Variants in LINGO2 observed in about 807,000 individuals in gnomAD.
LINGO2 encodes the protein leucine-rich repeat and immunoglobulin-like domain-containing nogo receptor-interacting protein 2.
LINGO2 carries 14 observed loss-of-function variants against 30.6 expected under a neutral mutation model. The ratio of observed to expected loss-of-function variants is 0.46; its 90% CI spans 0.30 to 0.72. The LOEUF is 0.72. Ranked by LOEUF, LINGO2 falls within the 30% of genes least tolerant of loss-of-function variation. LINGO2 has a pLI of 0.07. For synonymous variants in LINGO2, 317 were observed against 288.5 expected (o/e 1.10, Z -1.00); for missense variants, 729 against 751.7 (o/e 0.97, Z 0.35).
intron 4 of LINGO2, among the ~76,000 whole-genome samples, chr9:28,110,789 G>A (rs904723952): frequency 6.6e-6 from 1 of 152,144 alleles, no homozygotes; most frequent in Non-Finnish European, 1.5e-5. Context: ...CTGTTAGTGG[G>A]AGTGTAAATT....
At chr9:28,774,125 C>A in the LINGO2 span, among the ~76,000 whole-genome samples, 3 of 151,498 alleles carry the variant, frequency 2.0e-5, no homozygotes, top group East Asian at 2.0e-4. Flanking sequence ...AGATTTAAAA[C>A]ACTTTAAACA....
the LINGO2 span, among the ~76,000 whole-genome samples, chr9:29,037,900 ATAT>A: frequency 6.6e-6 from 1 of 152,062 alleles, no homozygotes; most frequent in Non-Finnish European, 1.5e-5. Flanking sequence ...TACTATGCAA[ATAT>A]TAGCTCTTGA....
intron 3 of LINGO2, among the ~76,000 whole-genome samples, chr9:28,327,433 T>C (rs999089499): frequency 1.3e-5 from 2 of 152,184 alleles, no homozygotes; most frequent in Non-Finnish European, 2.9e-5. Context: ...GAAGAATGAA[T>C]GGCTTTTTCA....
chr9:28,944,549 G>T, the LINGO2 span, among the ~76,000 whole-genome samples: 1 of 152,068 alleles, frequency 6.6e-6, no homozygotes, highest in Non-Finnish European at 1.5e-5. Context: ...GGGATTACAG[G>T]CGCCTGCCAC....
At chr9:28,028,846 T>A (rs1286247143) in intron 4 of LINGO2, among the ~76,000 whole-genome samples, 2 of 152,138 alleles carry the variant, frequency 1.3e-5, no homozygotes, top group African/African-American at 4.8e-5. Context: ...AGGGAAAGCA[T>A]ATATATAAGT....
the LINGO2 span, among the ~76,000 whole-genome samples, chr9:29,129,120 C>T: frequency 6.6e-6 from 1 of 151,978 alleles, no homozygotes; most frequent in African/African-American, 2.4e-5. Context: ...GGTTTGCGTG[C>T]CTTCTTTGAC....
the LINGO2 span, among the ~76,000 whole-genome samples, chr9:29,183,971 C>T: frequency 6.6e-5 from 10 of 151,850 alleles, no homozygotes; most frequent in African/African-American, 9.7e-5. Flanking sequence ...ATTTAACATC[C>T]GGAGTGCTTT....
chr9:28,588,600 A>G, intron 1 of LINGO2, among the ~76,000 whole-genome samples: 1 of 150,806 alleles, frequency 6.6e-6, no homozygotes, highest in African/African-American at 2.4e-5. Flanking sequence ...TTCAGGTTAA[A>G]ACAAACAAAC....
chr9:29,038,857 A>C, the LINGO2 span, among the ~76,000 whole-genome samples: 5 of 152,290 alleles, frequency 3.3e-5, no homozygotes, highest in Non-Finnish European at 7.4e-5. Flanking sequence ...CTAAAATATT[A>C]AGACGCCTTA....
chr9:28,320,849 T>C (rs1312937873), intron 3 of LINGO2, among the ~76,000 whole-genome samples: 1 of 152,148 alleles, frequency 6.6e-6, no homozygotes, highest in Admixed American at 6.6e-5. Context: ...TAAGAAGCCC[T>C]GTTTTATCAT....
chr9:28,752,384 C>T, the LINGO2 span, among the ~76,000 whole-genome samples: 1 of 151,952 alleles, frequency 6.6e-6, no homozygotes, highest in South Asian at 2.1e-4. Flanking sequence ...CATTTAGAAA[C>T]CAGAAGATAT....
At chr9:29,189,090 G>C in the LINGO2 span, among the ~76,000 whole-genome samples, 3 of 82,456 alleles carry the variant, frequency 3.6e-5, no homozygotes, top group African/African-American at 1.0e-4. Flanking sequence ...CGGACGGGGC[G>C]GCTGGCCGAC....
chr9:28,675,905 G>A, the LINGO2 span, among the ~76,000 whole-genome samples: 30 of 126,044 alleles, frequency 2.4e-4, no homozygotes, highest in Non-Finnish European at 3.5e-4. Flanking sequence ...GTGTGTGTAT[G>A]TATATATATA....
chr9:29,034,201 T>C, the LINGO2 span, among the ~76,000 whole-genome samples: 1 of 152,156 alleles, frequency 6.6e-6, no homozygotes, highest in African/African-American at 2.4e-5. Flanking sequence ...CTTTAAATAT[T>C]GCTAAATTAA....
intron 5 of LINGO2, among the ~76,000 whole-genome samples, chr9:27,958,283 T>C (rs1289113029): frequency 6.6e-6 from 1 of 152,224 alleles, no homozygotes; most frequent in Non-Finnish European, 1.5e-5. Context: ...AACCTCACAC[T>C]TCTGGGATAA....
chr9:28,610,752 T>A (rs1006233252), intron 1 of LINGO2, among the ~76,000 whole-genome samples: 4 of 152,120 alleles, frequency 2.6e-5, no homozygotes, highest in African/African-American at 4.8e-5. Flanking sequence ...ACAAAAAAGC[T>A]AAGTCATATA....
At chr9:28,828,728 CA>C in the LINGO2 span, among the ~76,000 whole-genome samples, 1 of 152,022 alleles carries the variant, frequency 6.6e-6, no homozygotes. Flanking sequence ...TAGAGGAAGA[CA>C]GGCAGAAGTA....
intron 2 of LINGO2, among the ~76,000 whole-genome samples, chr9:28,462,538 A>C (rs1406574812): frequency 1.3e-5 from 2 of 151,914 alleles, no homozygotes; most frequent in Admixed American, 6.6e-5. Flanking sequence ...GAAAAAATGG[A>C]GTTGTAAATT....
intron 4 of LINGO2, among the ~76,000 whole-genome samples, chr9:28,235,224 G>T (rs370990074): frequency 4.6e-5 from 7 of 152,302 alleles, no homozygotes; most frequent in Admixed American, 3.3e-4. Context: ...AAGAACGAGA[G>T]TCTCTGCCTT....
Sources: gnomAD v4.1 joint callset for allele counts (sites outside exome capture counted in the v4.1 genomes callset) on GRCh38, gnomAD v4.1.1 for gene constraint, MANE v1.5 for transcripts, NCBI Gene and HGNC (gene_info 2026-07-23, HGNC 2026-07-21) for gene names.